The following CADM2 variants were observed in gnomAD, a reference collection of about 807,000 sequenced individuals.
CADM2 encodes cell adhesion molecule 2.
In CADM2, 12 loss-of-function variants were observed where a neutral mutation model predicts 49.8. That is an observed-to-expected ratio of 0.24 (90% CI 0.15 to 0.39). The LOEUF is 0.39. Ranked by LOEUF, CADM2 falls within the 10% of genes least tolerant of loss-of-function variation. The pLI, the probability that CADM2 is intolerant of heterozygous loss-of-function variation, is 1.00. For missense variants in CADM2, 378 were observed against 492.3 expected (o/e 0.77, Z 2.20); for synonymous variants, 214 against 175.4 (o/e 1.22, Z -1.74).
At chr3:85,176,622 A>G (rs2040793819) in intron 1 of CADM2, among the ~76,000 whole-genome samples, 1 of 152,152 alleles carries the variant, frequency 6.6e-6, no homozygotes, top group South Asian at 2.1e-4. Flanking sequence ...ATCAAGTGTA[A>G]TGGGATTAAG....
intron 1 of CADM2, among the ~76,000 whole-genome samples, chr3:85,263,286 C>T (rs2043053060): frequency 6.6e-6 from 1 of 152,090 alleles, no homozygotes; most frequent in South Asian, 2.1e-4. Flanking sequence ...AGCCACCGCA[C>T]CCAGCCTGTG....
chr3:85,751,340 T>C (rs2068852093), intron 2 of CADM2, among the ~76,000 whole-genome samples: 2 of 152,164 alleles, frequency 1.3e-5, no homozygotes, highest in African/African-American at 4.8e-5. Flanking sequence ...GTTTTCAGGA[T>C]TGAAGAGTAA....
chr3:84,983,488 C>A (rs577988220), intron 1 of CADM2, among the ~76,000 whole-genome samples: 9 of 151,856 alleles, frequency 5.9e-5, no homozygotes, highest in Non-Finnish European at 1.2e-4. Flanking sequence ...ACCACAGATA[C>A]CTTTTAAGAG....
chr3:85,193,423 A>T (rs1423693743), intron 1 of CADM2, among the ~76,000 whole-genome samples: 1 of 152,096 alleles, frequency 6.6e-6, no homozygotes, highest in East Asian at 1.9e-4. Flanking sequence ...TGGATAACTC[A>T]TAATTTTCAA....
intron 4 of CADM2, among the ~76,000 whole-genome samples, chr3:85,884,482 A>T (rs1713271793): frequency 6.6e-6 from 1 of 152,208 alleles, no homozygotes; most frequent in Admixed American, 6.5e-5. Flanking sequence ...GTATTTCAGG[A>T]TAACAACTGC....
Position 85,912,998 on chromosome 3 carries a change from A to C in CADM2, c.700+455A>C, listed in dbSNP as rs76324790. Among the ~76,000 whole-genome samples, 1,408 of 152,288 alleles carry C rather than the reference A, an allele frequency of 9.2e-3. 7 individuals are homozygous for C. The highest frequency in any genetic ancestry group is 0.015 in the Non-Finnish European group (1,032 of 68,028). On this transcript the variant is annotated intron_variant, in intron 6 of 9. Transcript: ENST00000383699. ...GCATATACTAATGTATAAATATAGG[A>C]GCTTATTTATTATGTTTTCATCATC... is the stretch of plus-strand genomic sequence containing the variant.
chr3:85,739,336 G>A (rs1164713446), intron 2 of CADM2, among the ~76,000 whole-genome samples: 1 of 152,018 alleles, frequency 6.6e-6, no homozygotes, highest in Non-Finnish European at 1.5e-5. Flanking sequence ...AGTTTTAGAT[G>A]TCAATTATCT....
intron 2 of CADM2, among the ~76,000 whole-genome samples, chr3:85,757,347 C>A (rs185769200): frequency 6.4e-4 from 97 of 152,024 alleles, no homozygotes; most frequent in African/African-American, 2.3e-3. Context: ...ATATTAAGTT[C>A]TTGGTTTAGA....
At chr3:84,975,505 A>G (rs1482253703) in intron 1 of CADM2, among the ~76,000 whole-genome samples, 1 of 151,878 alleles carries the variant, frequency 6.6e-6, no homozygotes, top group African/African-American at 2.4e-5. Context: ...AAACCCGGAT[A>G]TAAAGTAATG....
intron 3 of CADM2, among the ~76,000 whole-genome samples, chr3:85,830,131 C>T (rs2074120724): frequency 6.6e-6 from 1 of 151,874 alleles, no homozygotes; most frequent in Non-Finnish European, 1.5e-5. Flanking sequence ...GTTTACATTC[C>T]CACCAACAAT....
chr3:85,017,543 A>G (rs80155233), intron 1 of CADM2, among the ~76,000 whole-genome samples: 11,179 of 152,162 alleles, frequency 0.073, 1,047 homozygotes, highest in African/African-American at 0.21. Context: ...TCTTATCCTG[A>G]TGTAATTTTG....
intron 1 of CADM2, among the ~76,000 whole-genome samples, chr3:85,405,041 CACTA>C (rs2035304368): frequency 6.6e-6 from 1 of 152,070 alleles, no homozygotes; most frequent in Admixed American, 6.6e-5. Flanking sequence ...TTTAAGAAGT[CACTA>C]ACTGTTGGAT....
chr3:85,198,489 T>A (rs577854231), intron 1 of CADM2, among the ~76,000 whole-genome samples: 9 of 151,664 alleles, frequency 5.9e-5, no homozygotes, highest in African/African-American at 1.9e-4. Context: ...GTTGCAACAA[T>A]GCTCTTCAAT....
At chr3:85,699,072 A>G (rs2066662482) in intron 1 of CADM2, among the ~76,000 whole-genome samples, 1 of 152,210 alleles carries the variant, frequency 6.6e-6, no homozygotes. Context: ...AGGCTCATGT[A>G]AATCCAAAGC....
At chr3:85,273,384 A>G (rs1261175087) in intron 1 of CADM2, among the ~76,000 whole-genome samples, 1 of 151,384 alleles carries the variant, frequency 6.6e-6, no homozygotes, top group Middle Eastern at 3.2e-3. Context: ...AGCTGTGTTG[A>G]GTAAAATCTT....
At chr3:86,041,600 C>T (rs1394804021) in intron 8 of CADM2, among the ~76,000 whole-genome samples, 1 of 152,116 alleles carries the variant, frequency 6.6e-6, no homozygotes, top group Admixed American at 6.6e-5. Context: ...TAGAGACCCA[C>T]AAAGAGACTT....
intron 1 of CADM2, among the ~76,000 whole-genome samples, chr3:85,216,388 T>C (rs1020113539): frequency 2.2e-5 from 3 of 139,422 alleles, no homozygotes; most frequent in South Asian, 2.1e-4. Flanking sequence ...TGTACACTTA[T>C]ATTAATTATT....
intron 1 of CADM2, among the ~76,000 whole-genome samples, chr3:85,193,130 C>G (rs1231444266): frequency 6.6e-6 from 1 of 151,852 alleles, no homozygotes; most frequent in East Asian, 1.9e-4. Context: ...CTTGATATGA[C>G]AGAAAAGTAT....
intron 1 of CADM2, among the ~76,000 whole-genome samples, chr3:85,291,990 T>C (rs1414404536): frequency 6.6e-6 from 1 of 152,120 alleles, no homozygotes; most frequent in East Asian, 1.9e-4. Context: ...AGACATAGAC[T>C]GGCAAATTGG....
Sources: allele counts gnomAD v4.1 joint callset (sites outside exome capture counted in the v4.1 genomes callset), GRCh38; gene constraint gnomAD v4.1.1; transcripts MANE v1.5; gene names NCBI Gene and HGNC (gene_info 2026-07-23, HGNC 2026-07-21).